RYR3: variants seen among roughly 807,000 people sequenced by gnomAD.
The protein encoded by RYR3 is ryanodine receptor 3.
In RYR3, 207 loss-of-function variants were observed where a neutral mutation model predicts 584.3. The ratio of observed to expected loss-of-function variants is 0.35; its 90% confidence interval spans 0.32 to 0.40. RYR3 has a LOEUF of 0.40. Ranked by LOEUF, RYR3 falls within the 10% of genes least tolerant of loss-of-function variation. The pLI is 1.00. For synonymous variants in RYR3, 2,416 were observed against 2,248.5 expected (o/e 1.07, Z -2.11); for missense variants, 5,616 against 6,089.2 (o/e 0.92, Z 2.59).
intron 94 of RYR3, among the ~76,000 whole-genome samples, chr15:33,848,823 C>CT: frequency 7.7e-6 from 1 of 130,370 alleles, no homozygotes; most frequent in African/African-American, 3.1e-5. Context: ...TCTCTGAAGT[C>CT]CTCTTTTTTT....
At chr15:33,451,525 C>G (rs1300307259) in intron 1 of RYR3, among the ~76,000 whole-genome samples, 1 of 151,898 alleles carries the variant, frequency 6.6e-6, no homozygotes, top group Non-Finnish European at 1.5e-5. Flanking sequence ...GGTGGACAAG[C>G]AGGTTATGTT....
At chr15:33,857,254 CA>C (rs1340701694) in intron 98 of RYR3, among the ~76,000 whole-genome samples, 2 of 244 alleles carry the variant, frequency 8.2e-3, no homozygotes, top group African/African-American at 0.011. Context: ...CTGGCAGCAC[CA>C]GCACCTGGTC....
rs60610177 is a variant in RYR3 at position 33,826,869 on chromosome 15, G to A, written c.11245+117G>A. 1.6e-3 allele frequency: 1,158 copies of A among 733,694 alleles called. 11 individuals carry two copies. The African/African-American group carries it at 0.018, about 12-fold the overall frequency. The allele number at this position is 733,694 out of a possible 1,614,324, so 45.4% of individuals were successfully genotyped here. ...TTAACTCAAGGACATCAGTTAATGC[G>A]TTCCTCAATAAGAAACTATGTAAAT... On this transcript the variant is annotated intron_variant, in intron 84 of 103. Coordinates refer to ENST00000634891, the MANE Select transcript of RYR3 (RefSeq NM_001036.6).
Position 33,398,801 on chromosome 15 carries a change from T to G in RYR3, c.52-74618T>G, listed in dbSNP as rs1367136652. Among the ~76,000 whole-genome samples, 3 of 152,166 alleles carry G rather than the reference T, an allele frequency of 2.0e-5. No individual in the cohort carries two copies. The East Asian group carries it at 5.8e-4, about 29-fold the overall frequency. On this transcript the variant is annotated intron_variant, in intron 1 of 103. Coordinates refer to ENST00000634891, the MANE Select transcript of RYR3 (RefSeq NM_001036.6). ...TGCAGAGCCGAGCTGCGTTCCTGGCTCTGAGGAGAGCGAGGCTCTGGCCTG... is the reference window on the plus strand; with the variant it reads ...TGCAGAGCCGAGCTGCGTTCCTGGCGCTGAGGAGAGCGAGGCTCTGGCCTG...
At chr15:33,766,772 C>T (rs916397868) in intron 60 of RYR3, among the ~76,000 whole-genome samples, 3 of 152,242 alleles carry the variant, frequency 2.0e-5, no homozygotes, top group Admixed American at 6.5e-5. Flanking sequence ...CCTTGCGCCA[C>T]CTTTTCTGCA....
At chr15:33,389,872 A>G (rs2041882337) in intron 1 of RYR3, among the ~76,000 whole-genome samples, 1 of 152,220 alleles carries the variant, frequency 6.6e-6, no homozygotes, top group African/African-American at 2.4e-5. Flanking sequence ...TTCACCTTTC[A>G]GTAATATTTA....
chr15:33,527,769 G>A (rs1478287903), intron 3 of RYR3, among the ~76,000 whole-genome samples: 2 of 152,168 alleles, frequency 1.3e-5, no homozygotes, highest in South Asian at 2.1e-4. Flanking sequence ...GTAACATGAT[G>A]TGATTGACAG....
chr15:33,656,463 G>C (rs2062828959), intron 32 of RYR3, among the ~76,000 whole-genome samples: 1 of 150,908 alleles, frequency 6.6e-6, no homozygotes, highest in African/African-American at 2.4e-5. Context: ...CTGACCCACG[G>C]CTGGGAAATC....
intron 103 of RYR3, 93 bp downstream of exon 103, chr15:33,864,282 GC>G: frequency 1.0e-6 from 1 of 965,246 alleles, no homozygotes; most frequent in Non-Finnish European, 1.6e-6. Context: ...TACATACATG[GC>G]CCCATTAATC....
chr15:33,581,688 G>A lies in RYR3; in HGVS notation c.1573+45G>A, dbSNP rs140463426. On this transcript the variant is annotated intron_variant, in intron 14 of 103. Coordinates refer to ENST00000634891, the MANE Select transcript of RYR3 (RefSeq NM_001036.6). Reference sequence around the variant, plus strand: ...CTTCTCCCTGGGATGATTTCCATGGGATTTCCACGTGCAATCCCAAGATTG... The same window carrying A: ...CTTCTCCCTGGGATGATTTCCATGGAATTTCCACGTGCAATCCCAAGATTG... 44 of 1,562,718 alleles carry A rather than the reference G, an allele frequency of 2.8e-5. No individual in the cohort carries two copies. In the African/African-American group the frequency reaches 5.8e-4, roughly 21 times the overall value.
At chr15:33,792,319 C>T (rs2075210137) in intron 67 of RYR3, among the ~76,000 whole-genome samples, 1 of 152,124 alleles carries the variant, frequency 6.6e-6, no homozygotes, top group African/African-American at 2.4e-5. Flanking sequence ...AATGAACTTA[C>T]CCAAACCTGC....
intron 1 of RYR3, among the ~76,000 whole-genome samples, chr15:33,435,482 T>C (rs2045608811): frequency 6.6e-6 from 1 of 152,216 alleles, no homozygotes; most frequent in East Asian, 1.9e-4. Context: ...TGTGTGCTAT[T>C]TCACATCCTA....
chr15:33,336,652 A>C (rs1371142202), intron 1 of RYR3, among the ~76,000 whole-genome samples: 1 of 151,808 alleles, frequency 6.6e-6, no homozygotes, highest in Non-Finnish European at 1.5e-5. Flanking sequence ...GTTTGAAAGT[A>C]GAGGTATGAT....
intron 1 of RYR3, among the ~76,000 whole-genome samples, chr15:33,457,695 C>T (rs1176473311): frequency 3.3e-5 from 5 of 152,146 alleles, no homozygotes; most frequent in Non-Finnish European, 7.3e-5. Context: ...ATATCGTATA[C>T]TTTAAAATAG....
chr15:33,827,305 G>C lies in RYR3; in HGVS notation c.11334+18G>C. On this transcript the variant is annotated intron_variant, in intron 85 of 103. Transcript: ENST00000634891. The stretch of plus-strand genomic sequence containing the variant: ...GTCTGCAGGTGAGTGGGAGGGCCTT[G>C]GACAATGGGACCTCTCACCTTTGCT... The C allele has an allele frequency of 6.5e-7, 1 of 1,544,378 alleles. No homozygotes were observed. The highest frequency in any genetic ancestry group is 8.8e-7 in the Non-Finnish European group (1 of 1,140,344).
chr15:33,544,757 T>C (rs551069117), intron 8 of RYR3, among the ~76,000 whole-genome samples: 1 of 152,274 alleles, frequency 6.6e-6, no homozygotes, highest in East Asian at 1.9e-4. Context: ...TACCCTTTCA[T>C]AGGAACCAGA....
intron 18 of RYR3, among the ~76,000 whole-genome samples, chr15:33,608,071 T>G (rs1409898923): frequency 6.6e-6 from 1 of 152,202 alleles, no homozygotes; most frequent in East Asian, 1.9e-4. Flanking sequence ...GCCTCTTAAG[T>G]GGTACACAGG....
intron 12 of RYR3, among the ~76,000 whole-genome samples, chr15:33,573,625 G>A (rs2058148425): frequency 2.0e-5 from 3 of 152,162 alleles, no homozygotes; most frequent in South Asian, 4.1e-4. Context: ...ATTATGTTAT[G>A]ATAAATATTC....
chr15:33,844,316 A>C (rs2078571593), intron 92 of RYR3, among the ~76,000 whole-genome samples: 1 of 152,238 alleles, frequency 6.6e-6, no homozygotes, highest in Non-Finnish European at 1.5e-5. Flanking sequence ...AAGTGACTTC[A>C]GACAGCCATC....
Sources: gnomAD v4.1 joint callset for allele counts (sites outside exome capture counted in the v4.1 genomes callset) on GRCh38, gnomAD v4.1.1 for gene constraint, MANE v1.5 for transcripts, NCBI Gene and HGNC (gene_info 2026-07-23, HGNC 2026-07-21) for gene names.